SETBP1: variants seen among roughly 807,000 people sequenced by gnomAD.
SETBP1 encodes SET binding protein 1.
In SETBP1, 9 loss-of-function variants were observed where a neutral mutation model predicts 101.0. The ratio of observed to expected loss-of-function variants is 0.09; its 90% CI spans 0.05 to 0.16. The LOEUF is 0.16. Ranked by LOEUF, SETBP1 falls within the 10% of genes least tolerant of loss-of-function variation. The pLI is 1.00. For missense variants in SETBP1, 1,858 were observed against 2,033.8 expected (o/e 0.91, Z 1.66); for synonymous variants, 818 against 788.5 (o/e 1.04, Z -0.63).
At chr18:44,707,743 T>C (rs1568101076) in intron 2 of SETBP1, among the ~76,000 whole-genome samples, 2 of 152,226 alleles carry the variant, frequency 1.3e-5, no homozygotes, top group Non-Finnish European at 2.9e-5. Context: ...GGCATTAGAT[T>C]GCAGAGAGCA....
chr18:44,794,175 A>G (rs2071423907), intron 2 of SETBP1, among the ~76,000 whole-genome samples: 1 of 152,198 alleles, frequency 6.6e-6, no homozygotes, highest in South Asian at 2.1e-4. Context: ...CTTGGGACAC[A>G]ACTGTAACCC....
At chr18:44,780,169 G>T (rs1352782623) in intron 2 of SETBP1, among the ~76,000 whole-genome samples, 1 of 152,140 alleles carries the variant, frequency 6.6e-6, no homozygotes, top group Non-Finnish European at 1.5e-5. Flanking sequence ...TTGCAAGGAG[G>T]CATGTGTTGT....
At chr18:44,841,307 A>C (rs2072611442) in intron 2 of SETBP1, among the ~76,000 whole-genome samples, 1 of 152,182 alleles carries the variant, frequency 6.6e-6, no homozygotes, top group Non-Finnish European at 1.5e-5. Flanking sequence ...TGGACTCTCC[A>C]TGGAGTTGTT....
At chr18:45,011,223 A>G (rs760982476) in intron 4 of SETBP1, among the ~76,000 whole-genome samples, 5 of 152,228 alleles carry the variant, frequency 3.3e-5, no homozygotes, top group Non-Finnish European at 7.3e-5. Context: ...CTTGTACTCC[A>G]GGGATGTATG....
intron 2 of SETBP1, among the ~76,000 whole-genome samples, chr18:44,859,193 G>A (rs957305889): frequency 5.3e-5 from 8 of 152,186 alleles, no homozygotes. Context: ...CCAGATTTAG[G>A]AATGAAACTC....
chr18:45,034,589 A>G (rs2073358360), intron 4 of SETBP1, among the ~76,000 whole-genome samples: 3 of 152,066 alleles, frequency 2.0e-5, no homozygotes, highest in South Asian at 2.1e-4. Flanking sequence ...TGTTTTTCCT[A>G]TAGGTTTAAG....
intron 5 of SETBP1, among the ~76,000 whole-genome samples, chr18:45,051,095 C>A (rs542321611): frequency 1.2e-4 from 18 of 152,178 alleles, no homozygotes; most frequent in African/African-American, 3.9e-4. Flanking sequence ...TATATGAGAG[C>A]ATATGTCTGT....
intron 4 of SETBP1, among the ~76,000 whole-genome samples, chr18:44,998,279 C>T (rs777544453): frequency 9.9e-5 from 15 of 152,208 alleles, no homozygotes; most frequent in Non-Finnish European, 1.8e-4. Context: ...TGGAAAACAC[C>T]TGAGTGGGGT....
chr18:44,724,716 T>C (rs899588394), intron 2 of SETBP1, among the ~76,000 whole-genome samples: 2 of 151,376 alleles, frequency 1.3e-5, no homozygotes, highest in Non-Finnish European at 2.9e-5. Flanking sequence ...GGGTCAAGGG[T>C]TAAAGGACAG....
chr18:45,044,685 A>T (rs2073573598), intron 5 of SETBP1, among the ~76,000 whole-genome samples: 1 of 152,186 alleles, frequency 6.6e-6, no homozygotes, highest in South Asian at 2.1e-4. Context: ...CTCCTTGGAA[A>T]TCTGAACCAA....
At chr18:44,755,013 A>G (rs569759058) in intron 2 of SETBP1, among the ~76,000 whole-genome samples, 1 of 152,338 alleles carries the variant, frequency 6.6e-6, no homozygotes, top group East Asian at 1.9e-4. Context: ...TCTATCTCCA[A>G]ACTATCTTAT....
chr18:45,034,079 G>A (rs1339285265), intron 4 of SETBP1, among the ~76,000 whole-genome samples: 1 of 152,160 alleles, frequency 6.6e-6, no homozygotes, highest in Non-Finnish European at 1.5e-5. Context: ...CTCATTAAAG[G>A]GATCCTGGGA....
chr18:44,880,076 A>G (rs887622429), intron 3 of SETBP1, among the ~76,000 whole-genome samples: 2 of 152,242 alleles, frequency 1.3e-5, no homozygotes, highest in Non-Finnish European at 2.9e-5. Flanking sequence ...TTGGTTGCCC[A>G]GAAACATCAG....
intron 1 of SETBP1, among the ~76,000 whole-genome samples, chr18:44,694,399 A>G (rs2068981667): frequency 6.6e-6 from 1 of 152,096 alleles, no homozygotes; most frequent in East Asian, 1.9e-4. Context: ...TTTAGTAGAG[A>G]TGGGGTTTAG....
chr18:44,815,353 T>A (rs2071951747), intron 2 of SETBP1, among the ~76,000 whole-genome samples: 1 of 152,228 alleles, frequency 6.6e-6, no homozygotes. Flanking sequence ...AACTGAACTT[T>A]AAAGCGTGAG....
rs147617143 is a variant in SETBP1, at chr18:44,779,911, AACAC to A, written c.486+78094_486+78097del. On this transcript the variant is annotated intron_variant, in intron 2 of 5. Transcript: ENST00000649279. Reference sequence around the variant, plus strand: ...TAATAAAGTTTAAATTGCAGCCCCGAACACACACACACACACACGCACGCACACA... The same window carrying A: ...TAATAAAGTTTAAATTGCAGCCCCGAACACACACACACACGCACGCACACA... 3.7e-4 allele frequency among the ~76,000 whole-genome samples: 56 copies of A among 149,752 alleles called. 1 individual carries two copies. The highest frequency in any genetic ancestry group is 2.3e-3 in the South Asian group (11 of 4,734).
intron 2 of SETBP1, among the ~76,000 whole-genome samples, chr18:44,855,407 T>C (rs193125737): frequency 1.3e-5 from 2 of 152,322 alleles, no homozygotes; most frequent in African/African-American, 4.8e-5. Flanking sequence ...CGTGCAAAAG[T>C]CTGACTACCC....
At chr18:44,862,921 T>C (rs1283945224) in intron 2 of SETBP1, among the ~76,000 whole-genome samples, 1 of 152,140 alleles carries the variant, frequency 6.6e-6, no homozygotes. Flanking sequence ...GAGACCTGCA[T>C]AGGTAAATGA....
At chr18:45,024,444 C>T (rs17728367) in intron 4 of SETBP1, among the ~76,000 whole-genome samples, 31,815 of 152,022 alleles carry the variant, frequency 0.21, 3,553 homozygotes, top group Middle Eastern at 0.33. Context: ...GACTCAGAGG[C>T]AATATCTCTC....
Sources: gnomAD v4.1 joint callset for allele counts (sites outside exome capture counted in the v4.1 genomes callset) on GRCh38, gnomAD v4.1.1 for gene constraint, MANE v1.5 for transcripts, NCBI Gene and HGNC (gene_info 2026-07-23, HGNC 2026-07-21) for gene names.